Variants in CTTNBP2 observed in about 807,000 individuals in gnomAD.
CTTNBP2 encodes cortactin-binding protein 2.
In CTTNBP2, 108 loss-of-function variants were observed where a neutral mutation model predicts 156.9. The observed-to-expected ratio is 0.69, with a 90% CI of 0.59 to 0.81. The LOEUF is 0.81. Among genes scored for constraint, CTTNBP2 ranks in the 30% least tolerant of loss-of-function variants. The pLI is 0.00. For missense variants in CTTNBP2, 1,924 were observed against 2,035.4 expected, an observed-to-expected ratio of 0.95 and a Z score of 1.05; for synonymous variants, 767 against 751.8, an observed-to-expected ratio of 1.02 and a Z score of -0.33.
intron 2 of CTTNBP2, among the ~76,000 whole-genome samples, chr7:117,819,377 A>T (rs141372035): frequency 0.3 from 28,316 of 93,728 alleles, 4,189 homozygotes; most frequent in African/African-American, 0.48. Flanking sequence ...TCACACACAC[A>T]CACACACACA....
intron 2 of CTTNBP2, among the ~76,000 whole-genome samples, chr7:117,816,491 C>T (rs1481282943): frequency 1.3e-5 from 2 of 152,148 alleles, no homozygotes; most frequent in African/African-American, 4.8e-5. Context: ...GCTTCCCCTC[C>T]TTCACCCACA....
intron 22 of CTTNBP2, among the ~76,000 whole-genome samples, chr7:117,715,399 A>G (rs1466222279): frequency 6.6e-6 from 1 of 151,582 alleles, no homozygotes; most frequent in African/African-American, 2.4e-5. Context: ...CCCTGGATGC[A>G]TGTAAGAATC....
At chr7:117,857,590 T>C (rs1029709884) in intron 2 of CTTNBP2, among the ~76,000 whole-genome samples, 2 of 152,204 alleles carry the variant, frequency 1.3e-5, no homozygotes, top group Non-Finnish European at 2.9e-5. Flanking sequence ...CAAAATCATT[T>C]CTAAATTTAA....
chr7:117,714,717 T>C (rs1292755426), intron 22 of CTTNBP2, among the ~76,000 whole-genome samples: 1 of 152,080 alleles, frequency 6.6e-6, no homozygotes, highest in Admixed American at 6.5e-5. Context: ...GAGGCTAGAA[T>C]GGAAGGAGTT....
intron 2 of CTTNBP2, among the ~76,000 whole-genome samples, chr7:117,841,835 A>G (rs1405085646): frequency 6.6e-6 from 1 of 152,244 alleles, no homozygotes; most frequent in African/African-American, 2.4e-5. Context: ...AGAAGAATGG[A>G]AAGTCAAAAT....
At chr7:117,751,509 C>CT (rs1796617804) in intron 12 of CTTNBP2, among the ~76,000 whole-genome samples, 1 of 152,202 alleles carries the variant, frequency 6.6e-6, no homozygotes, top group South Asian at 2.1e-4. Flanking sequence ...TTTAGAGCCA[C>CT]TGATGGCACA....
chr7:117,865,671 CA>C (rs61533705), intron 1 of CTTNBP2, among the ~76,000 whole-genome samples: 12,467 of 74,350 alleles, frequency 0.17, 467 homozygotes, highest in Middle Eastern at 0.33. Flanking sequence ...ACTCCATCTC[CA>C]AAAAAAAAAA....
At chr7:117,831,502 GC>G (rs898309568) in intron 2 of CTTNBP2, among the ~76,000 whole-genome samples, 1 of 152,022 alleles carries the variant, frequency 6.6e-6, no homozygotes, top group African/African-American at 2.4e-5. Flanking sequence ...GCTCCTTCTT[GC>G]CAATATGATT....
At chr7:117,794,361 A>G (rs1799198392) in intron 3 of CTTNBP2, among the ~76,000 whole-genome samples, 2 of 152,228 alleles carry the variant, frequency 1.3e-5, no homozygotes, top group African/African-American at 4.8e-5. Context: ...CTGGCGGTCC[A>G]TAATGGGCCT....
chr7:117,867,946 T>C (rs1003885175), intron 1 of CTTNBP2, among the ~76,000 whole-genome samples: 1 of 152,096 alleles, frequency 6.6e-6, no homozygotes, highest in African/African-American at 2.4e-5. Flanking sequence ...TGTAACTAAT[T>C]TTAGCTGAGA....
intron 5 of CTTNBP2, 31 bp downstream of exon 5, chr7:117,784,220 A>C: frequency 6.7e-7 from 1 of 1,489,818 alleles, no homozygotes; most frequent in Non-Finnish European, 9.0e-7. Context: ...TCCTTTTGCA[A>C]GTGTGTGGTA....
intron 2 of CTTNBP2, among the ~76,000 whole-genome samples, chr7:117,830,764 A>T (rs1170199574): frequency 6.6e-6 from 1 of 152,196 alleles, no homozygotes; most frequent in African/African-American, 2.4e-5. Context: ...GCTACTTGGC[A>T]CTTCTGGAAG....
chr7:117,838,462 A>G (rs555586133), intron 2 of CTTNBP2, among the ~76,000 whole-genome samples: 2 of 152,330 alleles, frequency 1.3e-5, no homozygotes, highest in East Asian at 3.9e-4. Context: ...ACTACAGCCA[A>G]TTCTTCTCTT....
In CTTNBP2 at chr7:117,719,653, A is replaced by G. The variant is rs1222288797; in HGVS notation, c.4512-17T>C. 35 of 1,598,356 alleles carry G rather than the reference A, an allele frequency of 2.2e-5. No homozygotes were observed. Among genetic ancestry groups the G allele is most frequent in the Non-Finnish European group, 2.9e-5 (34 of 1,171,170 alleles). On this transcript the variant is annotated splice_polypyrimidine_tract_variant and intron_variant, in intron 20 of 22. Coordinates refer to ENST00000160373, the MANE Select transcript of CTTNBP2 (RefSeq NM_033427.3). ...TCTAAAGACCTAACACAAAGTTCAG[A>G]AAAACGTTTTTCAAAGTGAGAACAA...
chr7:117,836,343 T>C (rs915530704), intron 2 of CTTNBP2, among the ~76,000 whole-genome samples: 3 of 152,156 alleles, frequency 2.0e-5, no homozygotes, highest in Non-Finnish European at 2.9e-5. Context: ...GGTGGGCGGA[T>C]CATGAGGTCA....
chr7:117,809,491 G>C (rs888066570), intron 3 of CTTNBP2, among the ~76,000 whole-genome samples: 8 of 152,144 alleles, frequency 5.3e-5, no homozygotes, highest in African/African-American at 1.9e-4. Context: ...ATTGGCTCTT[G>C]TGTATGTGGT....
chr7:117,752,482 T>C (rs1385738172), intron 12 of CTTNBP2, among the ~76,000 whole-genome samples: 1 of 152,182 alleles, frequency 6.6e-6, no homozygotes, highest in African/African-American at 2.4e-5. Context: ...ATTTCCCCTA[T>C]TAAATCAAGG....
intron 2 of CTTNBP2, among the ~76,000 whole-genome samples, chr7:117,816,404 T>C (rs533382223): frequency 6.6e-6 from 1 of 152,212 alleles, no homozygotes. Flanking sequence ...CTTTCTAAAA[T>C]GGAAGCCTTC....
intron 2 of CTTNBP2, among the ~76,000 whole-genome samples, chr7:117,853,813 G>A (rs769432837): frequency 2.0e-5 from 3 of 152,220 alleles, no homozygotes; most frequent in Non-Finnish European, 4.4e-5. Flanking sequence ...TAATCAGCAG[G>A]CAAATGCTAT....
Sources: gnomAD v4.1 joint callset for allele counts (sites outside exome capture counted in the v4.1 genomes callset) on GRCh38, gnomAD v4.1.1 for gene constraint, MANE v1.5 for transcripts, NCBI Gene and HGNC (gene_info 2026-07-23, HGNC 2026-07-21) for gene names.